ZNF682: variants seen among roughly 807,000 people sequenced by gnomAD.
ZNF682 encodes zinc finger protein 682.
In ZNF682, 29 loss-of-function variants were observed where a neutral mutation model predicts 36.5. The ratio of observed to expected loss-of-function variants is 0.80; its 90% CI spans 0.59 to 1.08. The LOEUF is 1.08. Among genes scored for constraint, ZNF682 ranks in the 50% least tolerant of loss-of-function variants. The pLI, the probability that ZNF682 is intolerant of heterozygous loss-of-function variation, is 0.00. For synonymous variants in ZNF682, 180 were observed against 197.0 expected (o/e 0.91, Z 0.72); for missense variants, 561 against 579.7 (o/e 0.97, Z 0.33).
chr19:20,037,903 TC>T (rs1019248271), intron 1 of ZNF682, among the ~76,000 whole-genome samples: 18 of 152,208 alleles, frequency 1.2e-4, no homozygotes, highest in African/African-American at 4.1e-4. Flanking sequence ...ACCTGATTTC[TC>T]CCAGGCACAA....
intron 1 of ZNF682, among the ~76,000 whole-genome samples, chr19:20,032,386 G>A (rs2088486929): frequency 6.6e-6 from 1 of 152,180 alleles, no homozygotes; most frequent in Non-Finnish European, 1.5e-5. Flanking sequence ...TGAAAGAGGT[G>A]GAATGGTTGG....
Position 20,009,644 on chromosome 19 carries a change from T to C in ZNF682, c.227-2369A>G, listed in dbSNP as rs919814413. On this transcript the variant is annotated intron_variant, in intron 3 of 3. Coordinates refer to ENST00000397165, the MANE Select transcript of ZNF682 (RefSeq NM_033196.3). ...AACTAGAGAAAAGGGCCATATTACC[T>C]AAAAAATGAATTCTATCAAACAGTG... Among the ~76,000 whole-genome samples, 9 of 152,138 alleles carry C rather than the reference T, an allele frequency of 5.9e-5. No homozygotes were observed. In the South Asian group the frequency reaches 1.0e-3, roughly 18 times the overall value.
chr19:20,007,539 G>A (rs2088239093), intron 3 of ZNF682: 4 of 385,452 alleles, frequency 1.0e-5, no homozygotes, highest in East Asian at 4.6e-5. Context: ...AAGTCACTGG[G>A]CACCAGGACT....
chr19:20,039,335 A>AAC lies in ZNF682; in HGVS notation c.3+7_3+8insGT, dbSNP rs771170890. On this transcript the variant is annotated splice_region_variant and intron_variant, in intron 1 of 3. Transcript: ENST00000397165. The stretch of plus-strand genomic sequence containing the variant: ...CCCACCTCGGGATGCGCGGCCTGGC[A>AAC]CACTCACCATTTTTCGGCTTCCGGG... The AAC allele has an allele frequency of 5.0e-6, 8 of 1,612,408 alleles. No homozygotes were observed. Among genetic ancestry groups the AAC allele is most frequent in the Non-Finnish European group, 6.8e-6 (8 of 1,179,940 alleles).
intron 3 of ZNF682, among the ~76,000 whole-genome samples, chr19:20,008,546 A>G (rs1017970317): frequency 1.3e-5 from 2 of 152,194 alleles, no homozygotes; most frequent in African/African-American, 2.4e-5. Flanking sequence ...TGGCATCACC[A>G]AACGACTCAC....
downstream of ZNF682, among the ~76,000 whole-genome samples, chr19:19,995,567 G>A (rs1451274991): frequency 6.6e-6 from 1 of 152,108 alleles, no homozygotes; most frequent in African/African-American, 2.4e-5. Context: ...AAACAGCGCG[G>A]GATGAATGCC....
rs770483535 is a variant in ZNF682 at position 20,015,235 on chromosome 19, T to C, written c.226+7769A>G. ...ATATACATCCACCAATGAATAGATGTTGAATTTACAACAATTCTCATGACT... is the reference window on the plus strand; with the variant it reads ...ATATACATCCACCAATGAATAGATGCTGAATTTACAACAATTCTCATGACT... On this transcript the variant is annotated intron_variant, in intron 3 of 3. Transcript: ENST00000397165. 8.1e-6 allele frequency: 8 copies of C among 985,290 alleles called. No homozygotes were observed. In the Admixed American group the frequency reaches 3.1e-4, roughly 38 times the overall value. 61.0% of individuals were successfully genotyped at this position (985,290 alleles called of 1,614,324 possible). A position where few individuals can be genotyped will look rare whatever the true frequency, so the allele number is the denominator to read the frequency against.
At chr19:20,038,997 G>A (rs535321319) in intron 1 of ZNF682, among the ~76,000 whole-genome samples, 1 of 152,328 alleles carries the variant, frequency 6.6e-6, no homozygotes, top group Admixed American at 6.5e-5. Context: ...CGGGATCACA[G>A]CACTTCCCAC....
intron 1 of ZNF682, chr19:20,031,092 A>T (rs1443819392): frequency 6.6e-6 from 1 of 152,266 alleles, no homozygotes; most frequent in Non-Finnish European, 1.5e-5. Context: ...GGCAATCCAA[A>T]CAGGAAACAC....
Position 20,007,014 on chromosome 19 carries a change from T to A in ZNF682, c.488A>T (p.Glu163Val), listed in dbSNP as rs1467127907. 1.9e-6 allele frequency: 3 copies of A among 1,613,286 alleles called. No homozygotes were observed. Among genetic ancestry groups the A allele is most frequent in the Non-Finnish European group, 1.7e-6 (2 of 1,179,506 alleles). The change falls in exon 4 of 4, where the codon GAA (glutamate) becomes GTA (valine). Residue 163 changes from glutamate to valine, a missense_variant. Transcript: ENST00000397165. ...TTTCTCTGTAGTATGTCTTATGTTTTCTCTATTTAGATTTGATGATTTACT... is the reference window on the plus strand; with the variant it reads ...TTTCTCTGTAGTATGTCTTATGTTTACTCTATTTAGATTTGATGATTTACT... ...VFSKSSNLNRENIRHTTEKLF... is the reference protein window; with the variant it reads ...VFSKSSNLNRVNIRHTTEKLF...
At chr19:20,026,302 C>CA (rs145561353) in intron 1 of ZNF682, among the ~76,000 whole-genome samples, 65,519 of 147,552 alleles carry the variant, frequency 0.44, 17,109 homozygotes, top group Non-Finnish European at 0.59. Flanking sequence ...GGCTCCGTCT[C>CA]AAAAAAAAAA....
intron 3 of ZNF682, among the ~76,000 whole-genome samples, chr19:20,021,253 C>A (rs1392956455): frequency 6.6e-6 from 1 of 152,204 alleles, no homozygotes; most frequent in African/African-American, 2.4e-5. Flanking sequence ...TTTAGTAAGA[C>A]AGCAGACCTT....
intron 1 of ZNF682, among the ~76,000 whole-genome samples, chr19:20,033,234 C>T (rs2088496089): frequency 6.6e-6 from 1 of 152,148 alleles, no homozygotes; most frequent in African/African-American, 2.4e-5. Flanking sequence ...GATCACACCA[C>T]TGCACTCCAG....
chr19:20,036,362 G>A (rs1365099514), intron 1 of ZNF682, among the ~76,000 whole-genome samples: 1 of 143,248 alleles, frequency 7.0e-6, no homozygotes, highest in African/African-American at 2.6e-5. Context: ...CTATTGCCCA[G>A]GCTGGAGTGA....
rs144652036 is a variant in ZNF682 at position 19,997,461 on chromosome 19, C to T, written c.227-198G>A. On this transcript the variant is annotated intron_variant, in intron 3 of 3. Coordinates refer to the ZNF682 transcript ENST00000596019. ...CTCTGAGACTGCAAAAATGCTTCTA[C>T]TCCCTGGAAGTCCTTCAGAGTGAGG... Among the ~76,000 whole-genome samples, 338 of 152,310 alleles carry T rather than the reference C, an allele frequency of 2.2e-3. 1 individual carries two copies. The highest frequency in any genetic ancestry group is 6.8e-3 in the Middle Eastern group (2 of 294).
At chr19:20,018,153 G>A (rs1289291253) in intron 3 of ZNF682, among the ~76,000 whole-genome samples, 3 of 138,046 alleles carry the variant, frequency 2.2e-5, no homozygotes, top group Non-Finnish European at 3.1e-5. Context: ...GAGTGCAGTG[G>A]CGGGATCTCG....
intron 3 of ZNF682, among the ~76,000 whole-genome samples, chr19:20,008,391 T>A (rs926048154): frequency 6.6e-6 from 1 of 152,172 alleles, no homozygotes; most frequent in African/African-American, 2.4e-5. Context: ...GGGAAGACAC[T>A]GGAGACAGAC....
downstream of ZNF682, among the ~76,000 whole-genome samples, chr19:20,002,559 C>G (rs762334359): frequency 4.6e-5 from 7 of 152,180 alleles, no homozygotes; most frequent in Non-Finnish European, 1.0e-4. Flanking sequence ...CAGATAATCA[C>G]AGGGCCTCAA....
intron 1 of ZNF682, among the ~76,000 whole-genome samples, chr19:20,025,493 T>C (rs767148540): frequency 2.8e-4 from 42 of 152,030 alleles, no homozygotes; most frequent in African/African-American, 5.3e-4. Context: ...CTGGCTAACA[T>C]GGTGAAACTC....
Sources: allele counts gnomAD v4.1 joint callset (sites outside exome capture counted in the v4.1 genomes callset), GRCh38; gene constraint gnomAD v4.1.1; transcripts MANE v1.5; gene names NCBI Gene and HGNC (gene_info 2026-07-23, HGNC 2026-07-21).